The following DCX variants were observed in gnomAD, a reference collection of about 807,000 sequenced individuals.
The protein encoded by DCX is neuronal migration protein doublecortin.
A neutral mutation model predicts 20.9 loss-of-function variants in DCX; 4 were observed. The observed-to-expected ratio is 0.19, with a 90% confidence interval of 0.09 to 0.44. DCX has a LOEUF of 0.44. Ranked by LOEUF, DCX falls within the 20% of genes least tolerant of loss-of-function variation. DCX has a pLI of 0.99. For synonymous variants in DCX, 103 were observed against 111.4 expected (o/e 0.92, Z 0.47); for missense variants, 133 against 296.9 (o/e 0.45, Z 4.06).
At chrX:111,377,902 C>G in intron 3 of DCX, among the ~76,000 whole-genome samples, 1 of 110,813 alleles carries the variant, frequency 9.0e-6, no homozygotes, top group East Asian at 2.9e-4. Flanking sequence ...ACAAAGAGCC[C>G]AAAGGACTTA....
intron 1 of DCX, chrX:111,410,701 C>G (rs985653661): frequency 8.8e-7 from 1 of 1,138,795 alleles, no homozygotes; most frequent in African/African-American, 1.9e-5. Flanking sequence ...TGGCACTGTT[C>G]CAGACAGAGG....
At chrX:111,404,757 G>A (rs756603925) in intron 2 of DCX, among the ~76,000 whole-genome samples, 1 of 112,336 alleles carries the variant, frequency 8.9e-6, no homozygotes, top group East Asian at 2.8e-4. Context: ...CACCTCCAAG[G>A]ACTCTTCACT....
chrX:111,336,032 G>A (rs761802251), intron 3 of DCX, among the ~76,000 whole-genome samples: 1 of 112,038 alleles, frequency 8.9e-6, no homozygotes, highest in South Asian at 3.7e-4. Context: ...CTAGCTAATA[G>A]CTGTAAAAAA....
intron 3 of DCX, among the ~76,000 whole-genome samples, chrX:111,385,783 GGGAAGGAAGGAAGGAAGGAAGGAAGGAA>G (rs772837208): frequency 1.5e-4 from 8 of 52,864 alleles, no homozygotes; most frequent in African/African-American, 5.8e-4. Context: ...GAGGGAGGGA[GGGAAGGAAGGAAGGAAGGAAGGAAGGAA>G]GGAAGGAAGG....
At chrX:111,314,265 T>A (rs2095064405) in intron 5 of DCX, among the ~76,000 whole-genome samples, 1 of 112,095 alleles carries the variant, frequency 8.9e-6, no homozygotes, top group African/African-American at 3.2e-5. Flanking sequence ...ATTTAGCCAG[T>A]AGCTATGGAG....
chrX:111,374,109 G>T (rs1925336119), intron 3 of DCX, among the ~76,000 whole-genome samples: 1 of 111,899 alleles, frequency 8.9e-6, no homozygotes, highest in East Asian at 2.8e-4. Flanking sequence ...AAATCTGAGA[G>T]TAGGTGCCCA....
chrX:111,401,414 T>C, intron 2 of DCX, 84 bp from the exon 3 acceptor site: 3 of 877,734 alleles, frequency 3.4e-6, no homozygotes, highest in African/African-American at 1.9e-5. Context: ...ACACTGACAC[T>C]GGAGTAGAAC....
At chrX:111,317,939 C>A (rs1267550414) in intron 5 of DCX, among the ~76,000 whole-genome samples, 1 of 110,678 alleles carries the variant, frequency 9.0e-6, no homozygotes, top group African/African-American at 3.3e-5. Context: ...GTAATCCCAG[C>A]ACTTTGGGAG....
In DCX at chrX:111,391,001, T is replaced by TA. The variant is rs56173739; in HGVS notation, c.705+9988dup. On this transcript the variant is annotated intron_variant, in intron 3 of 6. Transcript: ENST00000636035. ...AGTCTGGGCAATAGTGATATCCTGC[T>TA]AAAAAAAAAAAAAAAAAAAATCCTT... Among the ~76,000 whole-genome samples, 537 of 82,221 alleles carry TA rather than the reference T, an allele frequency of 6.5e-3. 2 individuals carry two copies. Among genetic ancestry groups the TA allele is most frequent in the African/African-American group, 0.021 (464 of 22,334 alleles). The allele number at this position is 82,221 out of a possible 115,157, so 71.4% of individuals were successfully genotyped here.
chrX:111,319,573 C>T (rs1043963168), intron 5 of DCX, among the ~76,000 whole-genome samples: 2 of 111,849 alleles, frequency 1.8e-5, no homozygotes, highest in Non-Finnish European at 3.8e-5. Flanking sequence ...TCTGTGGAGT[C>T]GCAATGGGGC....
chrX:111,307,217 C>G (rs1372219407), intron 6 of DCX, among the ~76,000 whole-genome samples: 1 of 108,672 alleles, frequency 9.2e-6, no homozygotes, highest in Non-Finnish European at 1.9e-5. Flanking sequence ...CAATTAAGTA[C>G]TGTTTATGTG....
At chrX:111,385,783 G>GGGAAGGAAGGAA (rs772837208) in intron 3 of DCX, among the ~76,000 whole-genome samples, 30 of 52,865 alleles carry the variant, frequency 5.7e-4, no homozygotes, top group African/African-American at 1.8e-3. Flanking sequence ...GAGGGAGGGA[G>GGGAAGGAAGGAA]GGAAGGAAGG....
At position 111,409,975 on chromosome X, in the gene DCX, T is replaced by C. The variant is rs750127718; in HGVS notation, c.364+60A>G. ...ATTTTTTTTCAAAGCAACCGAAGAATGTAACCATAACCAATGATGCCACCT... is the reference window on the plus strand; with the variant it reads ...ATTTTTTTTCAAAGCAACCGAAGAACGTAACCATAACCAATGATGCCACCT... On this transcript the variant is annotated intron_variant, in intron 2 of 6. Coordinates refer to ENST00000636035, the MANE Select transcript of DCX (RefSeq NM_001195553.2). 4.9e-4 allele frequency: 594 copies of C among 1,201,309 alleles called. 1 individual carries two copies. The highest frequency in any genetic ancestry group is 6.1e-4 in the Non-Finnish European group (538 of 888,304).
At chrX:111,364,413 C>A (rs1395634125) in intron 3 of DCX, among the ~76,000 whole-genome samples, 22 of 112,111 alleles carry the variant, frequency 2.0e-4, no homozygotes, top group Non-Finnish European at 1.1e-4. Flanking sequence ...TACTATTTCT[C>A]AACTATCCGA....
intron 3 of DCX, among the ~76,000 whole-genome samples, chrX:111,360,503 A>G (rs1393905054): frequency 4.5e-5 from 5 of 111,557 alleles, no homozygotes; most frequent in Non-Finnish European, 7.5e-5. Context: ...AAAAAATAGA[A>G]AGAATGAATA....
intron 5 of DCX, among the ~76,000 whole-genome samples, chrX:111,321,577 G>A (rs2095086613): frequency 9.0e-6 from 1 of 111,552 alleles, no homozygotes; most frequent in Admixed American, 9.5e-5. Context: ...AGGGGTATGT[G>A]TGTGGATGGG....
intron 3 of DCX, among the ~76,000 whole-genome samples, chrX:111,393,090 C>T (rs1927072215): frequency 9.0e-6 from 1 of 111,576 alleles, no homozygotes; most frequent in African/African-American, 3.3e-5. Context: ...GAGTAGAGTA[C>T]TGTTCCACAA....
chrX:111,410,465 A>T (rs371333460), intron 1 of DCX, 45 bp from the exon 2 acceptor site: 14 of 1,193,003 alleles, frequency 1.2e-5, no homozygotes, highest in Non-Finnish European at 1.6e-5. Context: ...GGCAAAAACA[A>T]AAAGGGACAA....
chrX:111,318,077 C>T lies in DCX; in HGVS notation c.947-5341G>A, dbSNP rs193259848. Among the ~76,000 whole-genome samples the T allele has an allele frequency of 3.0e-3, 308 of 103,563 alleles. 3 individuals are homozygous for T. The highest frequency in any genetic ancestry group is 0.01 in the African/African-American group (294 of 28,075). 89.9% of individuals were successfully genotyped at this position (103,563 alleles called of 115,157 possible). ...GCGTGCACCTGTAATCCCAGCTACT[C>T]GGGAGGCTGAGGCAGGAGAATCGCT... On this transcript the variant is annotated intron_variant, in intron 5 of 6. Transcript: ENST00000636035.
Sources: allele counts gnomAD v4.1 joint callset (sites outside exome capture counted in the v4.1 genomes callset), GRCh38; gene constraint gnomAD v4.1.1; transcripts MANE v1.5; gene names NCBI Gene and HGNC (gene_info 2026-07-23, HGNC 2026-07-21).